The following ATP2B2 variants were observed in gnomAD, a reference collection of about 807,000 sequenced individuals.
The protein encoded by ATP2B2 is ATPase plasma membrane Ca2+ transporting 2.
ATP2B2 carries 15 observed loss-of-function variants against 120.0 expected under a neutral mutation model. The observed-to-expected ratio is 0.12, with a 90% CI of 0.08 to 0.19. The LOEUF is 0.19. Ranked by LOEUF, ATP2B2 falls within the 10% of genes least tolerant of loss-of-function variation. ATP2B2 has a pLI of 1.00. For missense variants in ATP2B2, 1,045 were observed against 1,719.8 expected, an observed-to-expected ratio of 0.61 and a Z score of 6.94; for synonymous variants, 694 against 700.3, an observed-to-expected ratio of 0.99 and a Z score of 0.14.
At chr3:10,470,346 A>T (rs894784570) in intron 1 of ATP2B2, among the ~76,000 whole-genome samples, 2 of 152,092 alleles carry the variant, frequency 1.3e-5, no homozygotes, top group African/African-American at 4.8e-5. Flanking sequence ...AGAGAGATTG[A>T]GCAACCTGCT....
At chr3:10,527,899 G>A (rs1003355107) in intron 3 of ATP2B2, among the ~76,000 whole-genome samples, 3 of 152,202 alleles carry the variant, frequency 2.0e-5, no homozygotes, top group African/African-American at 7.2e-5. Context: ...ACGGCACCGA[G>A]GCCTGGCTGC....
intron 5 of ATP2B2, among the ~76,000 whole-genome samples, chr3:10,396,852 G>T (rs887987038): frequency 6.6e-6 from 1 of 152,056 alleles, no homozygotes; most frequent in South Asian, 2.1e-4. Flanking sequence ...TAATCAGAAA[G>T]GGGGGGAAGC....
chr3:10,576,322 C>T (rs2068246002), intron 2 of ATP2B2, among the ~76,000 whole-genome samples: 1 of 152,270 alleles, frequency 6.6e-6, no homozygotes, highest in African/African-American at 2.4e-5. Context: ...CCTTCTCACT[C>T]AGGCTGCTTA....
At chr3:10,567,786 G>A (rs745821206) in intron 2 of ATP2B2, among the ~76,000 whole-genome samples, 6 of 152,152 alleles carry the variant, frequency 3.9e-5, no homozygotes, top group Non-Finnish European at 8.8e-5. Context: ...TACCAGCCTG[G>A]GAGCTTCTTG....
chr3:10,456,216 G>A (rs773496147), intron 1 of ATP2B2, among the ~76,000 whole-genome samples: 1 of 152,206 alleles, frequency 6.6e-6, no homozygotes, highest in Non-Finnish European at 1.5e-5. Context: ...CTGAAGGATG[G>A]TAGCTGGGAC....
chr3:10,529,925 C>A (rs996144076), intron 3 of ATP2B2, among the ~76,000 whole-genome samples: 1 of 152,150 alleles, frequency 6.6e-6, no homozygotes, highest in African/African-American at 2.4e-5. Context: ...CCAAAGATGG[C>A]CGGCGAACCA....
chr3:10,344,152 C>G (rs376966986), intron 18 of ATP2B2, among the ~76,000 whole-genome samples: 42 of 152,260 alleles, frequency 2.8e-4, no homozygotes, highest in African/African-American at 1.0e-3. Context: ...TTCCATATAC[C>G]TCAGGGTCAA....
chr3:10,492,998 C>T (rs948253323), intron 1 of ATP2B2, among the ~76,000 whole-genome samples: 1 of 152,176 alleles, frequency 6.6e-6, no homozygotes, highest in African/African-American at 2.4e-5. Flanking sequence ...CCTGTACCAC[C>T]TCTCCATATC....
chr3:10,491,175 T>G (rs1299221684), intron 1 of ATP2B2, among the ~76,000 whole-genome samples: 1 of 151,522 alleles, frequency 6.6e-6, no homozygotes, highest in Non-Finnish European at 1.5e-5. Flanking sequence ...GGCATTCACC[T>G]GGAGCCCGCC....
chr3:10,455,708 A>G (rs536414993), intron 1 of ATP2B2, among the ~76,000 whole-genome samples: 142 of 151,850 alleles, frequency 9.4e-4, no homozygotes, highest in Non-Finnish European at 1.4e-3. Flanking sequence ...GACAGGGCAT[A>G]TAGCCAGACC....
chr3:10,597,749 C>G (rs1237405329), intron 2 of ATP2B2, among the ~76,000 whole-genome samples: 1 of 152,152 alleles, frequency 6.6e-6, no homozygotes, highest in African/African-American at 2.4e-5. Context: ...TGAAAGAAAA[C>G]AACAATAATA....
chr3:10,441,595 C>T (rs766697104), intron 2 of ATP2B2, among the ~76,000 whole-genome samples: 16 of 152,194 alleles, frequency 1.1e-4, no homozygotes, highest in Admixed American at 1.3e-4. Flanking sequence ...CCTTGAAGGC[C>T]GGCCCTGTCC....
intron 2 of ATP2B2, among the ~76,000 whole-genome samples, chr3:10,574,591 T>C (rs1285940546): frequency 6.6e-6 from 1 of 152,218 alleles, no homozygotes; most frequent in Non-Finnish European, 1.5e-5. Flanking sequence ...ATTATTAGTT[T>C]CTTTTTTCCT....
chr3:10,523,001 T>A (rs1311236284), intron 3 of ATP2B2, among the ~76,000 whole-genome samples: 1 of 152,180 alleles, frequency 6.6e-6, no homozygotes, highest in Non-Finnish European at 1.5e-5. Flanking sequence ...CCACAGCTGA[T>A]AGATGCACTG....
At chr3:10,391,156 C>T (rs1210838408) in intron 5 of ATP2B2, among the ~76,000 whole-genome samples, 1 of 152,152 alleles carries the variant, frequency 6.6e-6, no homozygotes, top group East Asian at 1.9e-4. Flanking sequence ...CACATGCTGC[C>T]CTCCACGCTC....
At chr3:10,449,060 C>A (rs902590039) in intron 2 of ATP2B2, among the ~76,000 whole-genome samples, 3 of 152,206 alleles carry the variant, frequency 2.0e-5, no homozygotes, top group Non-Finnish European at 4.4e-5. Flanking sequence ...CGCCACTCTG[C>A]GGCTGTGGGG....
At chr3:10,389,393 T>C (rs11714645) in intron 5 of ATP2B2, among the ~76,000 whole-genome samples, 3,167 of 152,332 alleles carry the variant, frequency 0.021, 51 homozygotes, top group Middle Eastern at 0.075. Context: ...ATATGGTCTA[T>C]ACACTCAATG....
In ATP2B2 at chr3:10,618,373, C is replaced by T. The variant is rs149679427; in HGVS notation, c.-415+1544G>A. On this transcript the variant is annotated intron_variant, in intron 2 of 21. Coordinates refer to the ATP2B2 transcript ENST00000646379. ...AGGGCACGGCAAATACCAGTTCCCA[C>T]GCAAATTAGCACCTCACTGAGCCCC... Among the ~76,000 whole-genome samples, 532 of 152,272 alleles carry T rather than the reference C, an allele frequency of 3.5e-3. 2 individuals carry two copies. Among genetic ancestry groups the T allele is most frequent in the African/African-American group, 0.012 (499 of 41,546 alleles).
chr3:10,694,168 C>G (rs952221382), intron 1 of ATP2B2, among the ~76,000 whole-genome samples: 1 of 152,222 alleles, frequency 6.6e-6, no homozygotes, highest in Admixed American at 6.5e-5. Flanking sequence ...TACAGGCACC[C>G]ATCTTTGTAT....
Sources: gnomAD v4.1 joint callset for allele counts (sites outside exome capture counted in the v4.1 genomes callset) on GRCh38, gnomAD v4.1.1 for gene constraint, MANE v1.5 for transcripts, NCBI Gene and HGNC (gene_info 2026-07-23, HGNC 2026-07-21) for gene names.